Variants in CFAP299 observed in about 807,000 individuals in gnomAD.
The protein encoded by CFAP299 is cilia and flagella associated protein 299.
Under a neutral mutation model 27.0 loss-of-function variants are expected in CFAP299, and 21 were observed. The observed-to-expected ratio is 0.78, with a 90% CI of 0.55 to 1.12. The LOEUF (loss-of-function observed/expected upper bound fraction) is 1.12. Ranked by LOEUF, CFAP299 falls within the 50% of genes most tolerant of loss-of-function variation. The pLI is 0.00. For synonymous variants in CFAP299, 104 were observed against 98.1 expected (o/e 1.06, Z -0.36); for missense variants, 310 against 276.6 (o/e 1.12, Z -0.86).
rs528215379 is a variant in CFAP299, at chr4:80,902,212, T to G, written c.476+32077T>G. On this transcript the variant is annotated intron_variant, in intron 4 of 5. Coordinates refer to ENST00000358105, the MANE Select transcript of CFAP299 (RefSeq NM_152770.3). ...TATAATTAAGAGCCCTTTCCTTCTC[T>G]GGGTCCAGGATGAAAATAAAGTCTA... Among the ~76,000 whole-genome samples, 4 of 151,554 alleles carry G rather than the reference T, an allele frequency of 2.6e-5. No homozygotes were observed. The South Asian group carries it at 8.3e-4, about 32-fold the overall frequency.
At chr4:80,852,838 ATT>A (rs1731602560) in intron 3 of CFAP299, among the ~76,000 whole-genome samples, 1 of 152,070 alleles carries the variant, frequency 6.6e-6, no homozygotes, top group African/African-American at 2.4e-5. Flanking sequence ...ATTCTATTCT[ATT>A]CCTTTTGATA....
chr4:80,382,785 A>G (rs1724772633), intron 2 of CFAP299, among the ~76,000 whole-genome samples: 1 of 152,194 alleles, frequency 6.6e-6, no homozygotes, highest in African/African-American at 2.4e-5. Flanking sequence ...ACAAGCTAAA[A>G]ACAGAACTAC....
chr4:80,341,819 T>C (rs1342058189), intron 1 of CFAP299, among the ~76,000 whole-genome samples: 3 of 152,192 alleles, frequency 2.0e-5, no homozygotes, highest in Non-Finnish European at 4.4e-5. Flanking sequence ...GGGCTGAGGC[T>C]GAGCTGCCTG....
At chr4:80,426,417 C>CT in intron 2 of CFAP299, among the ~76,000 whole-genome samples, 1 of 152,194 alleles carries the variant, frequency 6.6e-6, no homozygotes, top group African/African-American at 2.4e-5. Flanking sequence ...GGAAATGAAA[C>CT]TATCTATTGT....
intron 2 of CFAP299, among the ~76,000 whole-genome samples, chr4:80,416,702 T>A (rs1319497440): frequency 6.6e-6 from 1 of 152,244 alleles, no homozygotes; most frequent in Non-Finnish European, 1.5e-5. Flanking sequence ...GTATTACAAC[T>A]ATTTACTTAA....
At chr4:80,713,208 A>G (rs1479965978) in intron 3 of CFAP299, among the ~76,000 whole-genome samples, 2 of 152,152 alleles carry the variant, frequency 1.3e-5, no homozygotes, top group African/African-American at 2.4e-5. Context: ...AATGGATCTT[A>G]AAGTAAAAAG....
intron 2 of CFAP299, among the ~76,000 whole-genome samples, chr4:80,404,405 CT>C (rs1560551488): frequency 1.3e-5 from 2 of 152,198 alleles, no homozygotes; most frequent in African/African-American, 4.8e-5. Context: ...GCTAAAACTT[CT>C]TACCTTCATA....
At chr4:80,693,965 G>C (rs1380735082) in intron 3 of CFAP299, among the ~76,000 whole-genome samples, 1 of 151,956 alleles carries the variant, frequency 6.6e-6, no homozygotes, top group African/African-American at 2.4e-5. Context: ...GCCAAATGTA[G>C]TCACTGAGGA....
Position 80,400,379 on chromosome 4 carries a change from T to A in CFAP299, c.242+37495T>A, listed in dbSNP as rs150118535. 8.7e-4 allele frequency among the ~76,000 whole-genome samples: 132 copies of A among 152,240 alleles called. 1 individual carries two copies. Among genetic ancestry groups the A allele is most frequent in the African/African-American group, 3.1e-3 (130 of 41,552 alleles). ...TGGCTTGGTTGTGCCCCCACCCAAA[T>A]CTCAGCTTGAATTGTATCTCCCAGA... On this transcript the variant is annotated intron_variant, in intron 2 of 5. Coordinates refer to ENST00000358105, the MANE Select transcript of CFAP299 (RefSeq NM_152770.3).
At chr4:80,386,649 G>A in intron 2 of CFAP299, 1 of 1,593,548 alleles carries the variant, frequency 6.3e-7, no homozygotes, top group Middle Eastern at 1.7e-4. Context: ...TAGCCCGTGT[G>A]GGCGCGCAGG....
chr4:80,479,382 G>A (rs976610868), intron 2 of CFAP299, among the ~76,000 whole-genome samples: 1 of 151,916 alleles, frequency 6.6e-6, no homozygotes, highest in African/African-American at 2.4e-5. Context: ...TCTCCTTGAG[G>A]TTTATAGCTT....
At chr4:80,855,940 T>A (rs2110152713) in intron 3 of CFAP299, among the ~76,000 whole-genome samples, 1 of 151,968 alleles carries the variant, frequency 6.6e-6, no homozygotes, top group Admixed American at 6.5e-5. Context: ...GATGGCTGGG[T>A]CAAATGGTAT....
chr4:80,533,800 A>G (rs2110190344), intron 2 of CFAP299, among the ~76,000 whole-genome samples: 1 of 152,282 alleles, frequency 6.6e-6, no homozygotes, highest in South Asian at 2.1e-4. Flanking sequence ...AACCTTCTGC[A>G]GTGAAATATA....
chr4:80,416,525 GCC>G (rs1225831237), intron 2 of CFAP299, among the ~76,000 whole-genome samples: 1 of 151,844 alleles, frequency 6.6e-6, no homozygotes, highest in Admixed American at 6.6e-5. Context: ...ATATATTTCT[GCC>G]CATCAGAAAT....
At chr4:80,679,220 TG>T (rs922909032) in intron 3 of CFAP299, among the ~76,000 whole-genome samples, 1 of 152,102 alleles carries the variant, frequency 6.6e-6, no homozygotes, top group Admixed American at 6.5e-5. Context: ...GAGATTCATC[TG>T]GATTGCTTCA....
chr4:80,485,032 A>G (rs922384057), intron 2 of CFAP299, among the ~76,000 whole-genome samples: 118 of 152,244 alleles, frequency 7.8e-4, no homozygotes, highest in African/African-American at 2.6e-3. Flanking sequence ...ATTAAGAGAA[A>G]GAAACTTTAT....
chr4:80,940,525 G>A (rs1322464323), intron 4 of CFAP299, among the ~76,000 whole-genome samples: 1 of 152,158 alleles, frequency 6.6e-6, no homozygotes, highest in African/African-American at 2.4e-5. Context: ...CGGGGTTCTA[G>A]AATCTCTCCA....
At chr4:80,477,349 C>T (rs1333704537) in intron 2 of CFAP299, among the ~76,000 whole-genome samples, 1 of 152,164 alleles carries the variant, frequency 6.6e-6, no homozygotes, top group Admixed American at 6.5e-5. Context: ...GCATGAGCCA[C>T]CACATCCAAC....
chr4:80,953,760 A>C (rs1737906662), intron 5 of CFAP299, among the ~76,000 whole-genome samples: 1 of 152,162 alleles, frequency 6.6e-6, no homozygotes, highest in Non-Finnish European at 1.5e-5. Flanking sequence ...TGAATTTTGA[A>C]TTATGTATAT....
Sources: gnomAD v4.1 joint callset for allele counts (sites outside exome capture counted in the v4.1 genomes callset) on GRCh38, gnomAD v4.1.1 for gene constraint, MANE v1.5 for transcripts, NCBI Gene and HGNC (gene_info 2026-07-23, HGNC 2026-07-21) for gene names.